Variants in MYO18B observed in about 807,000 individuals in gnomAD.
The protein encoded by MYO18B is myosin XVIIIB.
Under a neutral mutation model 273.0 loss-of-function variants are expected in MYO18B, and 204 were observed. The ratio of observed to expected loss-of-function variants is 0.75; its 90% confidence interval spans 0.67 to 0.84. The LOEUF (loss-of-function observed/expected upper bound fraction) is 0.84, where lower values mean the gene tolerates loss of function less well. MYO18B is among the 40% of genes least tolerant of loss of function. The pLI is 0.00. For synonymous variants in MYO18B, 1,330 were observed against 1,305.7 expected, an observed-to-expected ratio of 1.02 and a Z score of -0.40; for missense variants, 3,212 against 3,287.6, an observed-to-expected ratio of 0.98 and a Z score of 0.56.
chr22:25,744,120 T>C (rs1277172109), intron 1 of MYO18B, among the ~76,000 whole-genome samples: 1 of 152,184 alleles, frequency 6.6e-6, no homozygotes, highest in Non-Finnish European at 1.5e-5. Flanking sequence ...TCAAAACTCA[T>C]GGAATTTCCA....
At chr22:25,882,384 A>G (rs1331216557) in intron 25 of MYO18B, among the ~76,000 whole-genome samples, 8 of 152,072 alleles carry the variant, frequency 5.3e-5, no homozygotes, top group Non-Finnish European at 1.2e-4. Context: ...CACCTGTTAC[A>G]TGAGATAAGA....
chr22:25,942,158 C>T lies in MYO18B; in HGVS notation c.5518-3979C>T, dbSNP rs536189794. Among the ~76,000 whole-genome samples the T allele has an allele frequency of 3.9e-5, 6 of 152,308 alleles. No homozygotes were observed. In the South Asian group the frequency reaches 8.3e-4, roughly 21 times the overall value. On this transcript the variant is annotated intron_variant, in intron 34 of 43. Coordinates refer to ENST00000335473, the MANE Select transcript of MYO18B (RefSeq NM_032608.7). The stretch of plus-strand genomic sequence containing the variant: ...GGAGGAAAACTGAGGCATAGCAAGA[C>T]GGTGCTGCTGGCAGAAGCAGACTGC...
In MYO18B at chr22:25,803,205, C is replaced by T. The variant is rs9624905; in HGVS notation, c.2521+5108C>T. On this transcript the variant is annotated intron_variant, in intron 12 of 43. Coordinates refer to ENST00000335473, the MANE Select transcript of MYO18B (RefSeq NM_032608.7). ...GTCTTGATCTCCTGACCTCGTGATC[C>T]GCCTGCCTCAGCCTCCCAAAGTGCT... is the stretch of plus-strand genomic sequence containing the variant. 8.0e-3 allele frequency among the ~76,000 whole-genome samples: 1,199 copies of T among 150,566 alleles called. 11 individuals carry two copies. The highest frequency in any genetic ancestry group is 0.028 in the African/African-American group (1,127 of 40,648).
intron 19 of MYO18B, 27 bp downstream of exon 19, chr22:25,846,310 T>C: frequency 1.9e-6 from 3 of 1,605,468 alleles, no homozygotes; most frequent in Non-Finnish European, 2.5e-6. Flanking sequence ...TCTCATGGTG[T>C]CCTGGCCTTC....
At position 26,027,843 on chromosome 22, in the gene MYO18B, G is replaced by A. The variant is rs2147027504; in HGVS notation, c.*12+153G>A. The A allele has an allele frequency of 2.5e-6, 2 of 789,704 alleles. No homozygotes were observed. The highest frequency in any genetic ancestry group is 3.9e-6 in the Non-Finnish European group (2 of 513,570). 48.9% of individuals were successfully genotyped at this position (789,704 alleles called of 1,614,324 possible). A position where few individuals can be genotyped will look rare whatever the true frequency, so the allele number is the denominator to read the frequency against. Reference sequence around the variant, plus strand: ...TTTTAGCTGAAGTCATGTGTTGATGGATGCAAAGCTTTTCAGAACCCCTCT... The same window carrying A: ...TTTTAGCTGAAGTCATGTGTTGATGAATGCAAAGCTTTTCAGAACCCCTCT... On this transcript the variant is annotated intron_variant, in intron 43 of 43. Coordinates refer to ENST00000335473, the MANE Select transcript of MYO18B (RefSeq NM_032608.7). This position sits in a 1 kb window ranked among gnomAD's most constrained non-coding sequence, Gnocchi z 4.1.
intron 41 of MYO18B, 138 bp from the exon 42 acceptor site, chr22:26,004,580 A>G: frequency 1.9e-6 from 2 of 1,045,226 alleles, no homozygotes; most frequent in Non-Finnish European, 1.3e-6. Flanking sequence ...ACTGGCTCCT[A>G]CCTCTCTGGG....
intron 12 of MYO18B, among the ~76,000 whole-genome samples, chr22:25,803,252 C>A (rs1266765518): frequency 6.6e-6 from 1 of 152,160 alleles, no homozygotes; most frequent in Non-Finnish European, 1.5e-5. Context: ...CGTGAGCCAC[C>A]ACGCCTGGCT....
chr22:25,832,337 G>A (rs1280836704), intron 15 of MYO18B, among the ~76,000 whole-genome samples: 1 of 152,082 alleles, frequency 6.6e-6, no homozygotes, highest in Non-Finnish European at 1.5e-5. Flanking sequence ...TAGCTGAAAG[G>A]CAGAAGCAAC....
intron 1 of MYO18B, among the ~76,000 whole-genome samples, chr22:25,746,556 CA>C (rs1479146762): frequency 6.6e-6 from 1 of 152,146 alleles, no homozygotes; most frequent in Admixed American, 6.5e-5. Flanking sequence ...TGTGACAACC[CA>C]AAATGTCTCT....
intron 11 of MYO18B, among the ~76,000 whole-genome samples, chr22:25,786,402 A>C (rs1210725256): frequency 1.3e-5 from 2 of 151,970 alleles, no homozygotes; most frequent in Non-Finnish European, 2.9e-5. Flanking sequence ...CACCAGATGG[A>C]GGGAAGTAGA....
At chr22:25,902,823 A>G (rs755476332) in intron 30 of MYO18B, 87 bp downstream of exon 30, 1 of 1,449,984 alleles carries the variant, frequency 6.9e-7, no homozygotes, top group Non-Finnish European at 9.3e-7. Flanking sequence ...AAATGGTGAC[A>G]GAGAGAAAAC....
chr22:25,908,465 G>T lies in MYO18B; in HGVS notation c.5259+33G>T, dbSNP rs747200398. The T allele has an allele frequency of 3.3e-6, 5 of 1,537,918 alleles. No homozygotes were observed. The East Asian group carries it at 9.7e-5, about 30-fold the overall frequency. ...AGCAGTGAACACAGCTGTGCCCTTG[G>T]ATCCTGGCAGGTCTGGCATGGATTC... On this transcript the variant is annotated intron_variant, in intron 32 of 43. Coordinates refer to ENST00000335473, the MANE Select transcript of MYO18B (RefSeq NM_032608.7).
At chr22:25,926,533 G>T (rs1292103144) in intron 34 of MYO18B, among the ~76,000 whole-genome samples, 3 of 152,142 alleles carry the variant, frequency 2.0e-5, no homozygotes, top group Non-Finnish European at 2.9e-5. Context: ...GGCCTCAAGT[G>T]ATCCACCCAC....
chr22:25,799,158 T>TGTGTGTGTGTGC (rs1228079341), intron 12 of MYO18B, among the ~76,000 whole-genome samples: 2 of 151,572 alleles, frequency 1.3e-5, no homozygotes, highest in Non-Finnish European at 2.9e-5. Context: ...TGTGTGTGTG[T>TGTGTGTGTGTGC]GTGCTTGGAT....
intron 12 of MYO18B, among the ~76,000 whole-genome samples, chr22:25,802,966 CTTT>C (rs557925408): frequency 2.2e-5 from 3 of 134,950 alleles, no homozygotes; most frequent in Admixed American, 7.4e-5. Flanking sequence ...TTTTTTCTTT[CTTT>C]TTTTTTTTTT....
At chr22:25,990,686 CAAAAAAAAAAAAAAAAAA>C (rs745998234) in intron 39 of MYO18B, among the ~76,000 whole-genome samples, 2 of 27,040 alleles carry the variant, frequency 7.4e-5, no homozygotes, top group South Asian at 3.0e-3. Context: ...GACTTTGTCT[CAAAAAAAAAAAAAAAAAA>C]AAAAAAAAAA....
At chr22:26,024,768 C>A (rs1936115183) in intron 42 of MYO18B, among the ~76,000 whole-genome samples, 1 of 152,222 alleles carries the variant, frequency 6.6e-6, no homozygotes. Flanking sequence ...ATCACTGAAG[C>A]TCTGTCCTCA....
intron 34 of MYO18B, among the ~76,000 whole-genome samples, chr22:25,925,453 A>T (rs963884449): frequency 1.3e-5 from 2 of 152,130 alleles, no homozygotes; most frequent in Non-Finnish European, 2.9e-5. Flanking sequence ...AAATTAGTTA[A>T]TTTTTGAGTA....
intron 39 of MYO18B, among the ~76,000 whole-genome samples, chr22:25,970,610 CT>C (rs2093027228): frequency 6.6e-6 from 1 of 152,184 alleles, no homozygotes; most frequent in African/African-American, 2.4e-5. Context: ...TCATCTCCCC[CT>C]CTCAAAGTTT....
Sources: allele counts gnomAD v4.1 joint callset (sites outside exome capture counted in the v4.1 genomes callset), GRCh38; gene constraint gnomAD v4.1.1; non-coding constraint Gnocchi (gnomAD v3.1); transcripts MANE v1.5; gene names NCBI Gene and HGNC (gene_info 2026-07-23, HGNC 2026-07-21).